The following LRRTM4 variants were observed in gnomAD, a reference collection of about 807,000 sequenced individuals.
LRRTM4 encodes leucine rich repeat transmembrane neuronal 4.
A neutral mutation model predicts 47.6 loss-of-function variants in LRRTM4; 25 were observed. That is an observed-to-expected ratio of 0.53 (90% CI 0.38 to 0.73). The LOEUF is 0.73. Ranked by LOEUF, LRRTM4 falls within the 30% of genes least tolerant of loss-of-function variation. The pLI is 0.00. For synonymous variants in LRRTM4, 311 were observed against 269.5 expected, an observed-to-expected ratio of 1.15 and a Z score of -1.51; for missense variants, 638 against 713.4, an observed-to-expected ratio of 0.89 and a Z score of 1.20.
intron 3 of LRRTM4, among the ~76,000 whole-genome samples, chr2:76,815,330 T>C (rs933634450): frequency 2.0e-5 from 3 of 152,014 alleles, no homozygotes; most frequent in African/African-American, 7.2e-5. Context: ...GCTCACGTGA[T>C]AGGGAGGGGC....
chr2:77,290,279 A>T (rs1676785112), intron 3 of LRRTM4, among the ~76,000 whole-genome samples: 1 of 151,936 alleles, frequency 6.6e-6, no homozygotes, highest in African/African-American at 2.4e-5. Flanking sequence ...ATGGTGTCTC[A>T]TTGCCTTCAA....
intron 3 of LRRTM4, among the ~76,000 whole-genome samples, chr2:77,367,756 C>A (rs1289071800): frequency 6.6e-6 from 1 of 151,758 alleles, no homozygotes; most frequent in East Asian, 1.9e-4. Flanking sequence ...TTGTGGCCTT[C>A]AAGGTCTGGA....
At chr2:77,087,166 G>T (rs1265170385) in intron 3 of LRRTM4, among the ~76,000 whole-genome samples, 3 of 152,138 alleles carry the variant, frequency 2.0e-5, no homozygotes, top group Admixed American at 6.5e-5. Context: ...CTGTAGACAG[G>T]AAACAACCTC....
intron 3 of LRRTM4, among the ~76,000 whole-genome samples, chr2:77,350,930 G>T (rs1405984189): frequency 6.6e-6 from 1 of 152,166 alleles, no homozygotes; most frequent in Admixed American, 6.5e-5. Flanking sequence ...TTTTTAACTT[G>T]CATTTTAAGT....
At chr2:77,516,767 A>T (rs1268853570) in intron 3 of LRRTM4, 4 of 970,852 alleles carry the variant, frequency 4.1e-6, no homozygotes, top group Non-Finnish European at 4.9e-6. Context: ...ATTTTCAATG[A>T]TACACAAAAA....
chr2:77,113,641 G>T (rs529003625), intron 3 of LRRTM4, among the ~76,000 whole-genome samples: 92 of 152,168 alleles, frequency 6.0e-4, no homozygotes, highest in African/African-American at 2.1e-3. Context: ...TGAGAAAGGG[G>T]CATTGGGGGA....
At position 77,171,862 on chromosome 2, in the gene LRRTM4, A is replaced by T. The variant is rs976050498; in HGVS notation, c.1551+346456T>A. On this transcript the variant is annotated intron_variant, in intron 3 of 3. Coordinates refer to ENST00000409884, the MANE Select transcript of LRRTM4 (RefSeq NM_001134745.3). ...CAGCAAAACAAAGGCCACTCTAGAT[A>T]TTCCAAAGGGGAAGATTTTCATACA... Among the ~76,000 whole-genome samples the T allele has an allele frequency of 8.5e-5, 13 of 152,246 alleles. No individual in the cohort carries two copies. The East Asian group carries it at 2.3e-3, about 27-fold the overall frequency.
chr2:77,433,982 G>A (rs1675488009), intron 3 of LRRTM4, among the ~76,000 whole-genome samples: 1 of 152,194 alleles, frequency 6.6e-6, no homozygotes, highest in Non-Finnish European at 1.5e-5. Context: ...TGGGATTTGA[G>A]AGCAGAGGAT....
At chr2:77,314,341 G>A (rs1440889202) in intron 3 of LRRTM4, among the ~76,000 whole-genome samples, 4 of 152,062 alleles carry the variant, frequency 2.6e-5, no homozygotes, top group Non-Finnish European at 5.9e-5. Context: ...AAATATAAGT[G>A]CATTCCATGC....
chr2:77,466,899 A>C lies in LRRTM4; in HGVS notation c.1551+51419T>G, dbSNP rs576662414. On this transcript the variant is annotated intron_variant, in intron 3 of 3. Coordinates refer to ENST00000409884, the MANE Select transcript of LRRTM4 (RefSeq NM_001134745.3). Reference sequence around the variant, plus strand: ...TTTTAAGTAGAGACGGGATTTCACCATGTTGGCCAGGCTGGTCTCGAACTC... The same window carrying C: ...TTTTAAGTAGAGACGGGATTTCACCCTGTTGGCCAGGCTGGTCTCGAACTC... 2.6e-5 allele frequency among the ~76,000 whole-genome samples: 4 copies of C among 152,006 alleles called. No homozygotes were observed. The South Asian group carries it at 8.3e-4, about 32-fold the overall frequency.
chr2:77,358,254 G>T (rs1232155661), intron 3 of LRRTM4, among the ~76,000 whole-genome samples: 2 of 152,234 alleles, frequency 1.3e-5, no homozygotes, highest in South Asian at 2.1e-4. Flanking sequence ...GCATCTGCCT[G>T]GCTTCTTTGC....
At chr2:77,272,453 AC>A (rs1424798905) in intron 3 of LRRTM4, among the ~76,000 whole-genome samples, 5 of 152,194 alleles carry the variant, frequency 3.3e-5, no homozygotes, top group Non-Finnish European at 5.9e-5. Flanking sequence ...GCCTGAGAAG[AC>A]ATGGAGATCT....
intron 3 of LRRTM4, among the ~76,000 whole-genome samples, chr2:77,186,214 TC>T (rs1412581563): frequency 2.6e-5 from 4 of 152,194 alleles, no homozygotes; most frequent in Non-Finnish European, 5.9e-5. Flanking sequence ...CCCTGAGATG[TC>T]CACATCCAAT....
chr2:76,898,472 G>T (rs928636093), intron 3 of LRRTM4, among the ~76,000 whole-genome samples: 1 of 144,564 alleles, frequency 6.9e-6, no homozygotes, highest in Non-Finnish European at 1.5e-5. Context: ...AGAATCGCTT[G>T]AACCCAGGAG....
At chr2:77,402,759 C>A (rs1052787003) in intron 3 of LRRTM4, among the ~76,000 whole-genome samples, 1 of 151,880 alleles carries the variant, frequency 6.6e-6, no homozygotes, top group Non-Finnish European at 1.5e-5. Flanking sequence ...GATTCAGATC[C>A]CCCATCCTCA....
chr2:77,241,739 C>A (rs1278166528), intron 3 of LRRTM4, among the ~76,000 whole-genome samples: 2 of 152,054 alleles, frequency 1.3e-5, no homozygotes, highest in African/African-American at 4.8e-5. Context: ...ACATACATCT[C>A]CAATCCAATG....
At chr2:76,855,834 C>A (rs1322831568) in intron 3 of LRRTM4, among the ~76,000 whole-genome samples, 1 of 151,960 alleles carries the variant, frequency 6.6e-6, no homozygotes, top group Non-Finnish European at 1.5e-5. Context: ...ACAGAAAGCA[C>A]AAATAACGCT....
At chr2:76,833,443 A>G (rs1331400976) in intron 3 of LRRTM4, among the ~76,000 whole-genome samples, 2 of 152,120 alleles carry the variant, frequency 1.3e-5, no homozygotes, top group East Asian at 3.9e-4. Context: ...GAAAGTTAAA[A>G]ATACATAAGC....
intron 3 of LRRTM4, chr2:77,516,781 A>G: frequency 1.0e-6 from 1 of 976,194 alleles, no homozygotes; most frequent in Admixed American, 6.2e-5. Flanking sequence ...ACAAAAAAGA[A>G]GAAAATGAAT....
Sources: allele counts gnomAD v4.1 joint callset (sites outside exome capture counted in the v4.1 genomes callset), GRCh38; gene constraint gnomAD v4.1.1; transcripts MANE v1.5; gene names NCBI Gene and HGNC (gene_info 2026-07-23, HGNC 2026-07-21).